DNAH5: variants seen among roughly 807,000 people sequenced by gnomAD.
DNAH5 encodes the protein dynein axonemal heavy chain 5.
DNAH5 carries 372 observed loss-of-function variants against 518.2 expected under a neutral mutation model. The ratio of observed to expected loss-of-function variants is 0.72; its 90% CI spans 0.66 to 0.78. DNAH5 has a LOEUF of 0.78. Among genes scored for constraint, DNAH5 ranks in the 30% least tolerant of loss-of-function variants. DNAH5 has a pLI of 0.00. For synonymous variants in DNAH5, 2,039 were observed against 2,025.9 expected (o/e 1.01, Z -0.17); for missense variants, 5,523 against 5,687.0 (o/e 0.97, Z 0.93).
intron 49 of DNAH5, among the ~76,000 whole-genome samples, chr5:13,793,252 A>T: frequency 6.6e-6 from 1 of 152,204 alleles, no homozygotes. Context: ...ATGTTCATTT[A>T]ATGTTAAACC....
rs148696723 is a variant in DNAH5, at chr5:13,719,002, G to T, written c.12379C>A (p.Arg4127Ser). 5.6e-6 allele frequency: 9 copies of T among 1,613,584 alleles called. No individual in the cohort carries two copies. The African/African-American group carries it at 1.1e-4, about 19-fold the overall frequency. The change falls in exon 72 of 79, where the codon CGC becomes AGC. Residue 4127 changes from arginine to serine, a missense_variant. Physicochemically the swap from Arg to Ser is moderately radical, Grantham distance 110 (BLOSUM62 -1). Around this residue, in one of 3 missense-constraint regions of DNAH5, gnomAD observed 5,121 missense variants for 5,223.3 expected, o/e 0.98. Transcript: ENST00000265104. ...TGAGCCTCGGTGGTCATCCAGAGGCGGAACGCATCATGTACAAGCTCAGTT... is the reference window on the plus strand; with the variant it reads ...TGAGCCTCGGTGGTCATCCAGAGGCTGAACGCATCATGTACAAGCTCAGTT... ...IETELVHDAF[R>S]LWMTTEAHKQ...
chr5:13,927,702 C>G (rs56077204), intron 3 of DNAH5, among the ~76,000 whole-genome samples: 2,431 of 152,178 alleles, frequency 0.016, 30 homozygotes, highest in Non-Finnish European at 0.023. Flanking sequence ...GAAATAATGC[C>G]TATATACATG....
intron 75 of DNAH5, among the ~76,000 whole-genome samples, chr5:13,709,283 T>A (rs527848755): frequency 3.3e-5 from 5 of 152,274 alleles, no homozygotes; most frequent in South Asian, 2.1e-4. Context: ...GGGTGGCTCA[T>A]GTTAGAAGCA....
intron 1 of DNAH5, among the ~76,000 whole-genome samples, chr5:13,934,168 C>T (rs1173047670): frequency 6.6e-6 from 1 of 152,156 alleles, no homozygotes; most frequent in Non-Finnish European, 1.5e-5. Context: ...AGAACTCAGC[C>T]ATGTAGGGAG....
At chr5:13,750,816 T>G (rs1750105149) in intron 65 of DNAH5, among the ~76,000 whole-genome samples, 1 of 152,174 alleles carries the variant, frequency 6.6e-6, no homozygotes, top group South Asian at 2.1e-4. Flanking sequence ...ATGAGACTGA[T>G]TCCTCGTAGT....
rs138486840 is a variant in DNAH5, at chr5:13,752,202, C to G, written c.10960G>C (p.Glu3654Gln). The change falls in exon 64 of 79, where the codon GAG becomes CAG. Residue 3654 changes from glutamate to glutamine, a missense_variant. Glu to Gln is a conservative substitution (Grantham distance 29). Around this residue, in one of 3 missense-constraint regions of DNAH5, gnomAD observed 5,121 missense variants for 5,223.3 expected, o/e 0.98. Coordinates refer to ENST00000265104, the MANE Select transcript of DNAH5 (RefSeq NM_001369.3). Reference protein sequence around the residue: ...GRPLLIEDVGEELDPALDNVL... With the variant: ...GRPLLIEDVGQELDPALDNVL... ...TTATCTAGTGCTGGATCTAGTTCCT[C>G]TCCAACATCTTCAATAAGCAAAGGC... 1.2e-5 allele frequency: 20 copies of G among 1,614,028 alleles called. No individual in the cohort carries two copies. In the Admixed American group the frequency reaches 2.3e-4, roughly 19 times the overall value.
chr5:13,942,866 C>T (rs938086744), intron 1 of DNAH5, among the ~76,000 whole-genome samples: 5 of 152,174 alleles, frequency 3.3e-5, no homozygotes, highest in South Asian at 2.1e-4. Context: ...CCTAACACGA[C>T]GGTCGTGAAT....
Position 13,716,709 on chromosome 5 carries a change from T to C in DNAH5, c.12706-19A>G. On this transcript the variant is annotated intron_variant, in intron 73 of 78. Transcript: ENST00000265104. Reference sequence around the variant, plus strand: ...AGACACCCTGGGAAATTTTATAGAATAATTATGTAGAACTGACTACCGTTG... The same window carrying C: ...AGACACCCTGGGAAATTTTATAGAACAATTATGTAGAACTGACTACCGTTG... 3 of 1,558,238 alleles carry C rather than the reference T, an allele frequency of 1.9e-6. No homozygotes were observed. Among genetic ancestry groups the C allele is most frequent in the Non-Finnish European group, 2.7e-6 (3 of 1,130,736 alleles).
At chr5:13,944,297 CT>C (rs1553994454) in intron 1 of DNAH5, 84 bp downstream of exon 1, 4 of 1,377,358 alleles carry the variant, frequency 2.9e-6, no homozygotes, top group Non-Finnish European at 4.1e-6. Context: ...GACTTTGAAC[CT>C]TTTTCAAGTT....
chr5:13,754,460 A>G, intron 61 of DNAH5, 122 bp from the exon 62 acceptor site: 2 of 1,104,090 alleles, frequency 1.8e-6, no homozygotes, highest in Admixed American at 3.5e-5. Context: ...CCATTACTTC[A>G]CAAGAAGCAT....
rs752281220 is a variant in DNAH5, at chr5:13,727,604, T to A, written c.11936A>T (p.Glu3979Val). 3 of 1,613,872 alleles carry A rather than the reference T, an allele frequency of 1.9e-6. No homozygotes were observed. In the Admixed American group the frequency reaches 5.0e-5, roughly 27 times the overall value. ...ATAGGCATTTGGAAGAGGTTCCTCC[T>A]CCGGGTTTTCCTTATCAAACCAAAT... Reference protein sequence around the residue: ...WKIWFDKENPEEEPLPNAYDK... With the variant: ...WKIWFDKENPVEEPLPNAYDK... The change falls in exon 70 of 79, where the codon GAG becomes GTG. Residue 3979 changes from glutamate to valine, a missense_variant. By Grantham distance (121) the Glu-to-Val change is moderately radical. Around this residue, in one of 3 missense-constraint regions of DNAH5, gnomAD observed 5,121 missense variants for 5,223.3 expected, o/e 0.98. Coordinates refer to ENST00000265104, the MANE Select transcript of DNAH5 (RefSeq NM_001369.3).
chr5:13,869,219 AGG>A (rs1429378083), intron 24 of DNAH5, among the ~76,000 whole-genome samples: 1 of 152,188 alleles, frequency 6.6e-6, no homozygotes, highest in Non-Finnish European at 1.5e-5. Context: ...AAATTCAAAC[AGG>A]GATGCAGAAA....
At chr5:13,793,915 T>C (rs1757427957) in intron 48 of DNAH5, 21 bp downstream of exon 48, 1 of 1,613,296 alleles carries the variant, frequency 6.2e-7, no homozygotes, top group Non-Finnish European at 8.5e-7. Context: ...AGAAATAAAA[T>C]GCACAATAGA....
intron 22 of DNAH5, among the ~76,000 whole-genome samples, chr5:13,873,030 G>C (rs1047986104): frequency 6.6e-6 from 1 of 152,110 alleles, no homozygotes; most frequent in African/African-American, 2.4e-5. Flanking sequence ...TTGGGTGATG[G>C]ATACCCTAAA....
chr5:13,814,557 AG>A (rs1337970829), intron 43 of DNAH5, 47 bp downstream of exon 43: 1 of 1,595,486 alleles, frequency 6.3e-7, no homozygotes, highest in Admixed American at 1.7e-5. Flanking sequence ...AGAATGCTAA[AG>A]GATCTGTTTT....
Position 13,867,798 on chromosome 5 carries a change from G to A in DNAH5, c.4029C>T (p.His1343=), listed in dbSNP as rs1435252891. The change falls in exon 25 of 79, where the codon CAC becomes CAT. Residue 1343 remains histidine, a synonymous_variant. Transcript: ENST00000265104. ...CCAAATCATAGTCCAGATAAAACTG[G>A]TGACAATCTTGGAGGAATACCTCCA... ...SAVEVFLQDC[H]QFYLDYDLNG... 1 of 1,613,890 alleles carries A rather than the reference G, an allele frequency of 6.2e-7. No individual in the cohort carries two copies. The highest frequency in any genetic ancestry group is 2.2e-5 in the East Asian group (1 of 44,872).
chr5:13,894,251 G>A (rs1309803006), intron 16 of DNAH5, among the ~76,000 whole-genome samples: 5 of 152,078 alleles, frequency 3.3e-5, no homozygotes, highest in African/African-American at 9.7e-5. Context: ...CTCTTTTTAA[G>A]GAAAATTGTG....
chr5:13,993,985 A>G (rs1366634135), intron 1 of DNAH5, among the ~76,000 whole-genome samples: 1 of 152,222 alleles, frequency 6.6e-6, no homozygotes, highest in African/African-American at 2.4e-5. Flanking sequence ...ACCTCCTCAG[A>G]GGTCGGAAGG....
At chr5:13,710,802 C>G (rs1164015647) in intron 75 of DNAH5, among the ~76,000 whole-genome samples, 1 of 152,116 alleles carries the variant, frequency 6.6e-6, no homozygotes, top group Non-Finnish European at 1.5e-5. Flanking sequence ...TACAGCCCTC[C>G]TAGCTTTTAT....
Sources: allele counts gnomAD v4.1 joint callset (sites outside exome capture counted in the v4.1 genomes callset), GRCh38; gene constraint gnomAD v4.1.1; regional missense constraint gnomAD v4.1.1; transcripts MANE v1.5; gene names NCBI Gene and HGNC (gene_info 2026-07-23, HGNC 2026-07-21).